The following VPS37B variants were observed in gnomAD, a reference collection of about 807,000 sequenced individuals.
VPS37B encodes VPS37B subunit of ESCRT-I, also known as vacuolar protein sorting-associated protein 37B.
A neutral mutation model predicts 21.2 loss-of-function variants in VPS37B; 11 were observed. The observed-to-expected ratio is 0.52, with a 90% CI of 0.33 to 0.86. VPS37B has a LOEUF of 0.86. Ranked by LOEUF, VPS37B falls within the 40% of genes least tolerant of loss-of-function variation. The pLI is 0.03. For synonymous variants in VPS37B, 175 were observed against 159.6 expected (o/e 1.10, Z -0.73); for missense variants, 389 against 374.8 (o/e 1.04, Z -0.31).
chr12:122,885,840 C>A (rs976808004), intron 1 of VPS37B: 7 of 150,296 alleles, frequency 4.7e-5, no homozygotes, highest in Non-Finnish European at 7.4e-5. Flanking sequence ...CCCGCTACCA[C>A]GCCCGGCTAA....
chr12:122,867,687 C>A lies in VPS37B; in HGVS notation c.367-80G>T. 6.3e-7 allele frequency: 1 copy of A among 1,581,652 alleles called. No homozygotes were observed. The highest frequency in any genetic ancestry group is 8.6e-7 in the Non-Finnish European group (1 of 1,166,846). ...TTCGTGGTCTAGGCACAAGGAGAGG[C>A]AACGCCCAGCTGCTTCCAACACTGC... On this transcript the variant is annotated intron_variant, in intron 3 of 3. Coordinates refer to ENST00000267202, the MANE Select transcript of VPS37B (RefSeq NM_024667.3). This position sits in a 1 kb window ranked among gnomAD's most constrained non-coding sequence, Gnocchi z 5.5.
chr12:122,875,604 G>A (rs6489245), intron 1 of VPS37B: 121,592 of 150,410 alleles, frequency 0.81, 49,899 homozygotes, highest in Middle Eastern at 0.9. Flanking sequence ...GAAAAAAAAA[G>A]GGGGGAGGAG....
chr12:122,875,726 CCGGCCACATA>C (rs1428311741), intron 1 of VPS37B: 1 of 152,256 alleles, frequency 6.6e-6, no homozygotes, highest in Non-Finnish European at 1.5e-5. Flanking sequence ...GGCAGCCACT[CCGGCCACATA>C]CACCCGGCTC....
intron 1 of VPS37B, chr12:122,887,847 T>C (rs1214252197): frequency 6.6e-6 from 1 of 152,274 alleles, no homozygotes; most frequent in African/African-American, 2.4e-5. Flanking sequence ...AACTACTGTC[T>C]GATGGCAAAC....
At chr12:122,880,658 C>G (rs2034233449) in intron 1 of VPS37B, 1 of 150,922 alleles carries the variant, frequency 6.6e-6, no homozygotes, top group Non-Finnish European at 1.5e-5. Flanking sequence ...GAGTGAGGCA[C>G]TGATCTCCAC....
rs565048635 is a variant in VPS37B, at chr12:122,870,673, T to C, written c.283+217A>G. ...ATCACCTGAGCCCAGGAGGTCGTGC[T>C]GAGCCATGGTTGCGCCACTGCACTC... On this transcript the variant is annotated intron_variant, in intron 2 of 3. Coordinates refer to ENST00000267202, the MANE Select transcript of VPS37B (RefSeq NM_024667.3). The C allele has an allele frequency of 1.1e-5, 5 of 454,246 alleles. No homozygotes were observed. The South Asian group carries it at 1.5e-4, about 13-fold the overall frequency. 28.1% of individuals were successfully genotyped at this position (454,246 alleles called of 1,614,324 possible).
chr12:122,867,665 G>A lies in VPS37B; in HGVS notation c.367-58C>T, dbSNP rs1245853935. 17 of 1,599,428 alleles carry A rather than the reference G, an allele frequency of 1.1e-5. No homozygotes were observed. Among genetic ancestry groups the A allele is most frequent in the African/African-American group, 2.7e-5 (2 of 74,856 alleles). On this transcript the variant is annotated intron_variant, in intron 3 of 3. Transcript: ENST00000267202. This position sits in a 1 kb window ranked among gnomAD's most constrained non-coding sequence, Gnocchi z 5.5. Reference sequence around the variant, plus strand: ...GCCAGATGGGGAGGATGCTCCCTTCGTGGTCTAGGCACAAGGAGAGGCAAC... The same window carrying A: ...GCCAGATGGGGAGGATGCTCCCTTCATGGTCTAGGCACAAGGAGAGGCAAC...
At chr12:122,891,149 G>A (rs938561860) in intron 1 of VPS37B, among the ~76,000 whole-genome samples, 14 of 152,192 alleles carry the variant, frequency 9.2e-5, no homozygotes, top group Non-Finnish European at 1.2e-4. Flanking sequence ...ACTTGTCAAA[G>A]GTCAACTACT....
rs993812329 is a variant in VPS37B at position 122,867,795 on chromosome 12, A to G, written c.367-188T>C. Among the ~76,000 whole-genome samples the G allele has an allele frequency of 3.3e-5, 5 of 152,180 alleles. No individual in the cohort carries two copies. The highest frequency in any genetic ancestry group is 7.4e-5 in the Non-Finnish European group (5 of 68,026). ...GGCTCAGGCTTCAGCATGAGCTGCC[A>G]CTAGGTGGAGAGGACGACAGCCCTG... On this transcript the variant is annotated intron_variant, in intron 3 of 3. Coordinates refer to ENST00000267202, the MANE Select transcript of VPS37B (RefSeq NM_024667.3). This position sits in a 1 kb window ranked among gnomAD's most constrained non-coding sequence, Gnocchi z 5.5.
rs748604388 is a variant in VPS37B, at chr12:122,870,872, T to A, written c.283+18A>T. ...CTCTCAACTCTTTATTCTCGAATGA[T>A]CACCCTTAAAAAGTTACCTAATTTG... On this transcript the variant is annotated intron_variant, in intron 2 of 3. Transcript: ENST00000267202. 6.3e-7 allele frequency: 1 copy of A among 1,598,722 alleles called. No homozygotes were observed. Among genetic ancestry groups the A allele is most frequent in the South Asian group, 1.1e-5 (1 of 89,140 alleles).
At position 122,884,542 on chromosome 12, in the gene VPS37B, T is replaced by C. The variant is rs928687222; in HGVS notation, c.111+11410A>G. 6.5e-4 allele frequency: 99 copies of C among 152,134 alleles called. 1 individual carries two copies. Among genetic ancestry groups the C allele is most frequent in the African/African-American group, 2.3e-3 (96 of 41,512 alleles). 9.4% of individuals were successfully genotyped at this position (152,134 alleles called of 1,614,324 possible). On this transcript the variant is annotated intron_variant, in intron 1 of 3. Coordinates refer to ENST00000267202, the MANE Select transcript of VPS37B (RefSeq NM_024667.3). ...AAACCAGAATGAACAGATCTGGGAG[T>C]GAACACATTTGATCCTGTGTAAGTA...
chr12:122,873,427 C>G (rs1270521271), intron 1 of VPS37B: 2 of 152,234 alleles, frequency 1.3e-5, no homozygotes, highest in African/African-American at 2.4e-5. Flanking sequence ...CAGAGACAGG[C>G]CTCGCGCTCC....
intron 1 of VPS37B, chr12:122,886,772 C>T (rs1427685427): frequency 6.6e-6 from 1 of 152,184 alleles, no homozygotes; most frequent in Non-Finnish European, 1.5e-5. Context: ...TCTTGCCAGG[C>T]ATGGTGTAAA....
chr12:122,877,806 T>C (rs2034178436), intron 1 of VPS37B: 1 of 152,152 alleles, frequency 6.6e-6, no homozygotes, highest in South Asian at 2.1e-4. Context: ...TCACACCTCA[T>C]ACAATCCATC....
Position 122,867,708 on chromosome 12 carries a change from A to G in VPS37B, c.367-101T>C. On this transcript the variant is annotated intron_variant, in intron 3 of 3. Transcript: ENST00000267202. The surrounding 1 kb of genome is among the most constrained non-coding windows in gnomAD (Gnocchi z 5.5). ...GAGGCAACGCCCAGCTGCTTCCAAC[A>G]CTGCCCCCTCCCTGTAACCACCCAG... 1 of 1,516,376 alleles carries G rather than the reference A, an allele frequency of 6.6e-7. No homozygotes were observed. The highest frequency in any genetic ancestry group is 9.0e-7 in the Non-Finnish European group (1 of 1,114,620). The allele number at this position is 1,516,376 out of a possible 1,614,324, so 93.9% of individuals were successfully genotyped here. A position where few individuals can be genotyped will look rare whatever the true frequency, so the allele number is the denominator to read the frequency against.
In VPS37B at chr12:122,867,204, G is replaced by A. The variant is rs200856668; in HGVS notation, c.770C>T (p.Ser257Leu). ...VGLPTQQGFS[S>L]QFVSPYPPPL... ...TGGCGGATATGGGGACACGAACTGC[G>A]AAGAGAATCCTTGCTGAGTGGGGAG... The change falls in exon 4 of 4, where the codon TCG becomes TTG. Residue 257 changes from serine (S) to leucine (L), a missense_variant. Transcript: ENST00000267202. The surrounding 1 kb of genome is among the most constrained non-coding windows in gnomAD (Gnocchi z 5.5). 19 of 1,574,578 alleles carry A rather than the reference G, an allele frequency of 1.2e-5. No individual in the cohort carries two copies. Among genetic ancestry groups the A allele is most frequent in the Admixed American group, 1.9e-5 (1 of 53,764 alleles).
At chr12:122,890,764 C>T (rs1407758914) in intron 1 of VPS37B, among the ~76,000 whole-genome samples, 2 of 152,218 alleles carry the variant, frequency 1.3e-5, no homozygotes, top group Non-Finnish European at 2.9e-5. Context: ...ACCATCACCA[C>T]CATCTACCTC....
intron 1 of VPS37B, chr12:122,871,955 C>T (rs1593909081): frequency 8.1e-6 from 8 of 985,494 alleles, no homozygotes; most frequent in Non-Finnish European, 9.6e-6. Context: ...TCCTTCCACA[C>T]CGTCAGTTTC....
At chr12:122,872,678 GAACA>G in intron 1 of VPS37B, 2 of 984,710 alleles carry the variant, frequency 2.0e-6, no homozygotes, top group Non-Finnish European at 2.4e-6. Context: ...TCATTTAAAA[GAACA>G]AACAAAAACC....
Sources: allele counts gnomAD v4.1 joint callset (sites outside exome capture counted in the v4.1 genomes callset), GRCh38; gene constraint gnomAD v4.1.1; non-coding constraint Gnocchi (gnomAD v3.1); transcripts MANE v1.5; gene names NCBI Gene and HGNC (gene_info 2026-07-23, HGNC 2026-07-21).